The following GLB1 variants were observed in gnomAD, a reference collection of about 807,000 sequenced individuals.
GLB1 encodes the protein beta-galactosidase.
In GLB1, 56 loss-of-function variants were observed where a neutral mutation model predicts 74.0. That is an observed-to-expected ratio of 0.76 (90% CI 0.61 to 0.94). GLB1 has a LOEUF of 0.94. Ranked by LOEUF, GLB1 falls within the 40% of genes least tolerant of loss-of-function variation. The pLI is 0.00. For synonymous variants in GLB1, 323 were observed against 323.6 expected, an observed-to-expected ratio of 1.00 and a Z score of 0.02; for missense variants, 787 against 845.5, an observed-to-expected ratio of 0.93 and a Z score of 0.86.
At chr3:33,079,530 C>T (rs753303182) in intron 1 of GLB1, among the ~76,000 whole-genome samples, 2 of 152,150 alleles carry the variant, frequency 1.3e-5, no homozygotes, top group Non-Finnish European at 2.9e-5. Flanking sequence ...ATGGTATAAT[C>T]TTTCAACCCT....
At chr3:33,068,425 G>C (rs193153364) in intron 3 of GLB1, 135 bp from the exon 4 acceptor site, 1 of 1,222,784 alleles carries the variant, frequency 8.2e-7, no homozygotes, top group Non-Finnish European at 1.1e-6. Flanking sequence ...GGGCTTTTTG[G>C]TTTATAACTT....
At chr3:33,079,693 A>G (rs1700255470) in intron 1 of GLB1, among the ~76,000 whole-genome samples, 1 of 152,240 alleles carries the variant, frequency 6.6e-6, no homozygotes, top group African/African-American at 2.4e-5. Context: ...TCTGGAGAGT[A>G]TGTAGCCCTT....
chr3:32,978,400 C>T, the GLB1 span, among the ~76,000 whole-genome samples: 1 of 147,200 alleles, frequency 6.8e-6, no homozygotes, highest in Non-Finnish European at 1.5e-5. Context: ...AAAAAAAAAA[C>T]AAATTTCCTG....
At chr3:32,971,171 C>T in the GLB1 span, among the ~76,000 whole-genome samples, 2 of 152,178 alleles carry the variant, frequency 1.3e-5, no homozygotes, top group Admixed American at 1.3e-4. Flanking sequence ...AGTATGTCAA[C>T]CAAACCAGAT....
intron 7 of GLB1, among the ~76,000 whole-genome samples, 170 bp downstream of exon 7, chr3:33,053,321 G>C (rs1050428622): frequency 6.6e-6 from 1 of 152,148 alleles, no homozygotes; most frequent in Non-Finnish European, 1.5e-5. Context: ...ATTTCAAATA[G>C]AAACATTGTT....
Position 32,997,036 on chromosome 3 carries a change from C to T in GLB1, c.*9G>A. The T allele has an allele frequency of 6.2e-7, 1 of 1,614,040 alleles. No homozygotes were observed. Among genetic ancestry groups the T allele is most frequent in the South Asian group, 1.1e-5 (1 of 91,078 alleles). The stretch of plus-strand genomic sequence containing the variant: ...GGGTAGAATCCCTCAAAGACACAGG[C>T]TTTCATCATCATACATGGTCCAGCC... On this transcript the variant is annotated 3_prime_UTR_variant, in exon 16 of 16. Transcript: ENST00000307363.
chr3:32,965,500 TC>T, the GLB1 span, among the ~76,000 whole-genome samples: 5 of 152,036 alleles, frequency 3.3e-5, no homozygotes, highest in Non-Finnish European at 5.9e-5. Flanking sequence ...GGAAGAAATT[TC>T]CGAGCAGCAA....
At chr3:33,065,685 T>C in intron 4 of GLB1, 128 bp from the exon 5 acceptor site, 2 of 1,170,930 alleles carry the variant, frequency 1.7e-6, no homozygotes. Flanking sequence ...CTGAGTTTTC[T>C]GGCTGGGTGC....
At chr3:33,070,528 A>G (rs1699852597) in intron 2 of GLB1, among the ~76,000 whole-genome samples, 1 of 152,198 alleles carries the variant, frequency 6.6e-6, no homozygotes, top group Admixed American at 6.5e-5. Context: ...CTCCAGAGTT[A>G]TATCAGCACT....
chr3:32,996,987 G>A lies in GLB1; in HGVS notation c.*58C>T. On this transcript the variant is annotated 3_prime_UTR_variant, in exon 16 of 16. Transcript: ENST00000307363. ...CCAATCAGTGAAATGTGGCATGACA[G>A]GGAGGATCTGTGAGGTATGTTCAGG... 4 of 1,613,422 alleles carry A rather than the reference G, an allele frequency of 2.5e-6. No homozygotes were observed. The highest frequency in any genetic ancestry group is 3.3e-5 in the Admixed American group (2 of 60,014).
chr3:33,080,102 GT>G (rs1559415995), intron 1 of GLB1, among the ~76,000 whole-genome samples: 4 of 147,328 alleles, frequency 2.7e-5, no homozygotes, highest in East Asian at 2.0e-4. Flanking sequence ...GTTTTTTTTT[GT>G]TTGTTTGTTT....
intron 15 of GLB1, among the ~76,000 whole-genome samples, chr3:33,004,722 G>A (rs1005552862): frequency 1.6e-4 from 25 of 152,252 alleles, no homozygotes; most frequent in African/African-American, 5.1e-4. Context: ...AAGCTGGACC[G>A]CCCTCCCTCC....
chr3:33,092,653 A>G, intron 1 of GLB1: 2 of 1,381,384 alleles, frequency 1.4e-6, no homozygotes, highest in Non-Finnish European at 1.9e-6. Context: ...AAATAGTTAA[A>G]CCAGCCTGAA....
intron 5 of GLB1, among the ~76,000 whole-genome samples, chr3:33,064,303 C>T (rs570373840): frequency 2.0e-5 from 3 of 150,364 alleles, no homozygotes; most frequent in Admixed American, 6.6e-5. Context: ...AGCCAGGCAT[C>T]GTGGTGCACG....
the GLB1 span, among the ~76,000 whole-genome samples, chr3:32,982,940 G>A: frequency 1.7e-3 from 258 of 152,102 alleles, 1 homozygote; most frequent in African/African-American, 5.6e-3. Context: ...ATTATCTTTG[G>A]TCTTCTGCTT....
At chr3:32,978,042 C>T in the GLB1 span, among the ~76,000 whole-genome samples, 6 of 152,162 alleles carry the variant, frequency 3.9e-5, no homozygotes, top group Non-Finnish European at 5.9e-5. Context: ...TTAGTGATCA[C>T]GGGACTATAC....
chr3:33,021,801 C>A, intron 11 of GLB1, 146 bp from the exon 12 acceptor site: 1 of 878,720 alleles, frequency 1.1e-6, no homozygotes. Flanking sequence ...CTCAGTATTG[C>A]TTCCCAGTCT....
chr3:32,975,163 C>T, the GLB1 span, among the ~76,000 whole-genome samples: 1 of 152,100 alleles, frequency 6.6e-6, no homozygotes, highest in African/African-American at 2.4e-5. Context: ...CTTACTGCAG[C>T]CTCAACCTCC....
Position 33,058,198 on chromosome 3 carries a change from G to A in GLB1, c.624C>T (p.Arg208=), listed in dbSNP as rs2125533076. ...GAACCACATCATCCCCCAGATGGTG[G>A]CGAAAGCGCTTCTGCAGGAAGCGCA... The part of the protein sequence containing the change: ...DYLRFLQKRF[R]HHLGDDVVLF... The change falls in exon 6 of 16, where the codon CGC becomes CGT. Residue 208 remains arginine, a synonymous_variant. Transcript: ENST00000307363. 2 of 1,614,124 alleles carry A rather than the reference G, an allele frequency of 1.2e-6. No homozygotes were observed. Among genetic ancestry groups the A allele is most frequent in the Non-Finnish European group, 8.5e-7 (1 of 1,180,020 alleles).
Sources: allele counts gnomAD v4.1 joint callset (sites outside exome capture counted in the v4.1 genomes callset), GRCh38; gene constraint gnomAD v4.1.1; transcripts MANE v1.5; gene names NCBI Gene and HGNC (gene_info 2026-07-23, HGNC 2026-07-21).